The following WWC1 variants were observed in gnomAD, a reference collection of about 807,000 sequenced individuals.
WWC1 encodes protein KIBRA.
A neutral mutation model predicts 138.4 loss-of-function variants in WWC1; 55 were observed. The ratio of observed to expected loss-of-function variants is 0.40; its 90% CI spans 0.32 to 0.50. The LOEUF is 0.50. Among genes scored for constraint, WWC1 ranks in the 20% least tolerant of loss-of-function variants. WWC1 has a pLI of 0.72. For synonymous variants in WWC1, 524 were observed against 564.9 expected (o/e 0.93, Z 1.03); for missense variants, 1,226 against 1,420.4 (o/e 0.86, Z 2.20).
intron 1 of WWC1, among the ~76,000 whole-genome samples, chr5:168,306,025 A>G (rs1432773345): frequency 6.6e-6 from 1 of 152,242 alleles, no homozygotes; most frequent in African/African-American, 2.4e-5. Flanking sequence ...TTAAAACCTA[A>G]TATGTATAGT....
intron 1 of WWC1, among the ~76,000 whole-genome samples, chr5:168,293,348 A>G (rs934963992): frequency 1.3e-5 from 2 of 152,162 alleles, no homozygotes; most frequent in African/African-American, 4.8e-5. Context: ...CCTGTAAAGC[A>G]ACCAAGGTGA....
At chr5:168,421,197 A>G (rs1781063531) in intron 9 of WWC1, among the ~76,000 whole-genome samples, 1 of 152,154 alleles carries the variant, frequency 6.6e-6, no homozygotes, top group Non-Finnish European at 1.5e-5. Flanking sequence ...CATGCAACAG[A>G]CAGTAAAGAA....
chr5:168,340,456 A>G (rs114239612), intron 1 of WWC1, among the ~76,000 whole-genome samples: 2,737 of 152,214 alleles, frequency 0.018, 86 homozygotes, highest in African/African-American at 0.062. Flanking sequence ...CTCCCCACAA[A>G]AAACTCTGCA....
Position 168,384,953 on chromosome 5 carries a change from A to G in WWC1, c.230-258A>G, listed in dbSNP as rs1420275144. On this transcript the variant is annotated intron_variant, in intron 2 of 22. Coordinates refer to ENST00000265293, the MANE Select transcript of WWC1 (RefSeq NM_015238.3). The stretch of plus-strand genomic sequence containing the variant: ...GCTGGTCTCAAGCTCCTTGACCTCA[A>G]GTGATCCACCTGCCTCAGCCTCCCA... Among the ~76,000 whole-genome samples the G allele has an allele frequency of 6.6e-6, 1 of 152,052 alleles. No homozygotes were observed. The highest frequency in any genetic ancestry group is 1.5e-5 in the Non-Finnish European group (1 of 68,000).
chr5:168,363,292 G>A lies in WWC1; in HGVS notation c.120-8132G>A, dbSNP rs867240808. On this transcript the variant is annotated intron_variant, in intron 1 of 22. Transcript: ENST00000265293. ...TAATCCCAGAATTTTGGGAGGCCGAGGCAGGAGGATCACTTGAGGTCAGGA... is the reference window on the plus strand; with the variant it reads ...TAATCCCAGAATTTTGGGAGGCCGAAGCAGGAGGATCACTTGAGGTCAGGA... Among the ~76,000 whole-genome samples the A allele has an allele frequency of 7.9e-5, 12 of 152,076 alleles. No homozygotes were observed. The East Asian group carries it at 2.3e-3, about 29-fold the overall frequency.
intron 1 of WWC1, among the ~76,000 whole-genome samples, chr5:168,369,130 GTTAT>G (rs1776540803): frequency 6.6e-6 from 1 of 152,172 alleles, no homozygotes; most frequent in South Asian, 2.1e-4. Context: ...CATTGAGAAT[GTTAT>G]TTAGTCTTTC....
chr5:168,441,005 G>A (rs1263887547), intron 15 of WWC1, among the ~76,000 whole-genome samples: 4 of 152,104 alleles, frequency 2.6e-5, no homozygotes, highest in Non-Finnish European at 4.4e-5. Context: ...CCAGGAGTTC[G>A]AGATTACAGT....
intron 15 of WWC1, among the ~76,000 whole-genome samples, chr5:168,440,688 T>C (rs796670676): frequency 2.0e-5 from 3 of 152,272 alleles, no homozygotes; most frequent in African/African-American, 7.2e-5. Flanking sequence ...CGGCTAATTT[T>C]GTATTTTTAG....
intron 1 of WWC1, among the ~76,000 whole-genome samples, chr5:168,297,094 A>G (rs763196979): frequency 4.5e-4 from 68 of 152,342 alleles, no homozygotes; most frequent in Middle Eastern, 3.4e-3. Context: ...CTTCTAATGA[A>G]TGGAAAGATG....
At chr5:168,383,815 G>A (rs1275164539) in intron 2 of WWC1, among the ~76,000 whole-genome samples, 3 of 152,092 alleles carry the variant, frequency 2.0e-5, no homozygotes, top group Admixed American at 2.0e-4. Context: ...CCAACAACTG[G>A]GGGTGACTGA....
chr5:168,384,213 GT>G (rs1400487677), intron 2 of WWC1, among the ~76,000 whole-genome samples: 2 of 152,086 alleles, frequency 1.3e-5, no homozygotes, highest in Non-Finnish European at 2.9e-5. Context: ...CTACGTCTCA[GT>G]TTTCTCATTG....
intron 1 of WWC1, among the ~76,000 whole-genome samples, chr5:168,318,355 A>G (rs1259575620): frequency 6.6e-6 from 1 of 152,192 alleles, no homozygotes; most frequent in Non-Finnish European, 1.5e-5. Flanking sequence ...AAAATTTACC[A>G]TTTTAACCAT....
In WWC1 at chr5:168,444,603, T is replaced by G; in HGVS notation, c.2525+18T>G. The G allele has an allele frequency of 1.2e-6, 2 of 1,612,980 alleles. No homozygotes were observed. Among genetic ancestry groups the G allele is most frequent in the Non-Finnish European group, 1.7e-6 (2 of 1,179,862 alleles). On this transcript the variant is annotated intron_variant, in intron 17 of 22. Transcript: ENST00000265293. ...GACAGCTGGTGAGTGAGCCCGCCCTTGGGCCCCAGGAGCTGCCCTGCCTGG... is the reference window on the plus strand; with the variant it reads ...GACAGCTGGTGAGTGAGCCCGCCCTGGGGCCCCAGGAGCTGCCCTGCCTGG...
At chr5:168,464,624 G>C in intron 20 of WWC1, 105 bp from the exon 21 acceptor site, 1 of 1,503,104 alleles carries the variant, frequency 6.7e-7, no homozygotes, top group Non-Finnish European at 8.9e-7. Context: ...CATTCGGAAG[G>C]AGTGGATGCC....
At chr5:168,300,895 A>T (rs868243344) in intron 1 of WWC1, among the ~76,000 whole-genome samples, 7 of 152,188 alleles carry the variant, frequency 4.6e-5, no homozygotes, top group African/African-American at 1.7e-4. Context: ...CTAGGATGAG[A>T]TGACCCTGGG....
chr5:168,375,962 A>G (rs1407804157), intron 2 of WWC1, among the ~76,000 whole-genome samples: 2 of 152,176 alleles, frequency 1.3e-5, no homozygotes, highest in African/African-American at 4.8e-5. Flanking sequence ...TACCATGATT[A>G]GATGGTTTTA....
rs1296347484 is a variant in WWC1 at position 168,406,212 on chromosome 5, T to C, written c.605T>C (p.Met202Thr). 1 of 1,613,762 alleles carries C rather than the reference T, an allele frequency of 6.2e-7. No individual in the cohort carries two copies. The highest frequency in any genetic ancestry group is 8.5e-7 in the Non-Finnish European group (1 of 1,179,880). ...CTGTCTCCTAGAATCGATAAGAAAA[T>C]GTCTGATGCTCAGGGCAGCTACAAA... Reference protein sequence around the residue: ...FQTLKKIDKKMSDAQGSYKLD... With the variant: ...FQTLKKIDKKTSDAQGSYKLD... The change falls in exon 6 of 23, where the codon ATG becomes ACG. Residue 202 changes from methionine to threonine, a missense_variant. By Grantham distance (81) the Met-to-Thr change is moderately conservative. Transcript: ENST00000265293.
At chr5:168,456,171 G>T (rs1756298175) in intron 19 of WWC1, among the ~76,000 whole-genome samples, 1 of 151,976 alleles carries the variant, frequency 6.6e-6, no homozygotes, top group African/African-American at 2.4e-5. Flanking sequence ...GGGCATGGTG[G>T]CATGCACTTG....
At chr5:168,319,878 AG>A (rs1443275336) in intron 1 of WWC1, among the ~76,000 whole-genome samples, 2 of 152,158 alleles carry the variant, frequency 1.3e-5, no homozygotes, top group East Asian at 3.9e-4. Context: ...GCAGTGCAGA[AG>A]GGTTCCAATT....
Sources: allele counts gnomAD v4.1 joint callset (sites outside exome capture counted in the v4.1 genomes callset), GRCh38; gene constraint gnomAD v4.1.1; transcripts MANE v1.5; gene names NCBI Gene and HGNC (gene_info 2026-07-23, HGNC 2026-07-21).